SLC2A13: variants seen among roughly 807,000 people sequenced by gnomAD.
SLC2A13 encodes the protein solute carrier family 2 member 13.
SLC2A13 carries 32 observed loss-of-function variants against 64.4 expected under a neutral mutation model. The observed-to-expected ratio is 0.50, with a 90% confidence interval of 0.37 to 0.67. SLC2A13 has a LOEUF of 0.67. SLC2A13 is among the 30% of genes least tolerant of loss of function. The pLI is 0.00. For missense variants in SLC2A13, 743 were observed against 829.2 expected (o/e 0.90, Z 1.28); for synonymous variants, 338 against 327.1 (o/e 1.03, Z -0.36).
intron 6 of SLC2A13, among the ~76,000 whole-genome samples, chr12:39,848,953 T>G (rs1566861063): frequency 6.6e-6 from 1 of 152,098 alleles, no homozygotes; most frequent in Non-Finnish European, 1.5e-5. Context: ...GTCTCACTTA[T>G]AAGTGGGAGC....
chr12:39,962,447 C>T (rs1591954132), intron 3 of SLC2A13, among the ~76,000 whole-genome samples: 1 of 152,298 alleles, frequency 6.6e-6, no homozygotes, highest in African/African-American at 2.4e-5. Flanking sequence ...TTCCAGATCC[C>T]ATATAGAGAC....
chr12:39,788,164 C>T (rs921953564), intron 7 of SLC2A13, among the ~76,000 whole-genome samples: 1 of 152,152 alleles, frequency 6.6e-6, no homozygotes, highest in South Asian at 2.1e-4. Context: ...GATCCTCATA[C>T]CTAGTACCAA....
chr12:39,936,033 G>A (rs1347014818), intron 4 of SLC2A13, among the ~76,000 whole-genome samples: 1 of 152,202 alleles, frequency 6.6e-6, no homozygotes, highest in Non-Finnish European at 1.5e-5. Context: ...AAGCCACAAA[G>A]GGCCCTGGAC....
intron 7 of SLC2A13, among the ~76,000 whole-genome samples, chr12:39,789,675 A>G (rs1276993615): frequency 6.6e-6 from 1 of 152,168 alleles, no homozygotes; most frequent in Admixed American, 6.6e-5. Flanking sequence ...TAGCAGTAGA[A>G]GACAGAGAAC....
Position 40,028,526 on chromosome 12 carries a change from T to A in SLC2A13, c.717-17A>T. On this transcript the variant is annotated splice_polypyrimidine_tract_variant and intron_variant, in intron 2 of 9. Coordinates refer to ENST00000280871, the MANE Select transcript of SLC2A13 (RefSeq NM_052885.4). The stretch of plus-strand genomic sequence containing the variant: ...AACATGTACCTGCAAAGAAAAAAAA[T>A]CCACATTTACTGTAAAATTTGCTCT... 1.2e-6 allele frequency: 2 copies of A among 1,610,960 alleles called. No homozygotes were observed. Among genetic ancestry groups the A allele is most frequent in the South Asian group, 1.1e-5 (1 of 90,628 alleles).
chr12:40,008,042 TA>T (rs1947455633), intron 3 of SLC2A13, among the ~76,000 whole-genome samples: 1 of 152,178 alleles, frequency 6.6e-6, no homozygotes, highest in African/African-American at 2.4e-5. Context: ...TCAACTAGTT[TA>T]AACCAACATA....
intron 3 of SLC2A13, among the ~76,000 whole-genome samples, chr12:40,017,164 G>C (rs576329445): frequency 5.9e-5 from 9 of 152,096 alleles, no homozygotes; most frequent in Non-Finnish European, 1.0e-4. Flanking sequence ...CTCCTCTCAC[G>C]TAAACAGAAA....
intron 5 of SLC2A13, 122 bp from the exon 6 acceptor site, chr12:39,865,004 C>T (rs890030138): frequency 3.1e-5 from 27 of 858,788 alleles, no homozygotes; most frequent in Middle Eastern, 3.6e-4. Context: ...AAAAAAATAC[C>T]GTGCTCTATC....
intron 6 of SLC2A13, among the ~76,000 whole-genome samples, chr12:39,859,718 G>C (rs1036932559): frequency 1.3e-5 from 2 of 151,972 alleles, no homozygotes; most frequent in African/African-American, 2.4e-5. Flanking sequence ...GTAGAGCTGG[G>C]GTTTCACCAT....
At chr12:40,080,349 A>G (rs1034469534) in intron 1 of SLC2A13, among the ~76,000 whole-genome samples, 1 of 152,038 alleles carries the variant, frequency 6.6e-6, no homozygotes, top group African/African-American at 2.4e-5. Context: ...GCAACTCGTC[A>G]CACTCTGCCT....
chr12:39,961,911 C>T (rs1946421192), intron 3 of SLC2A13, among the ~76,000 whole-genome samples: 1 of 152,128 alleles, frequency 6.6e-6, no homozygotes, highest in African/African-American at 2.4e-5. Context: ...GCAATCCTCC[C>T]ACCTCAACCT....
At chr12:39,783,961 A>T (rs1396621633) in intron 7 of SLC2A13, among the ~76,000 whole-genome samples, 2 of 152,178 alleles carry the variant, frequency 1.3e-5, no homozygotes, top group Non-Finnish European at 2.9e-5. Flanking sequence ...ATCATGAGTG[A>T]ACTCCCATTC....
At chr12:40,082,202 CAT>C (rs1201829248) in intron 1 of SLC2A13, among the ~76,000 whole-genome samples, 9 of 152,218 alleles carry the variant, frequency 5.9e-5, no homozygotes, top group East Asian at 1.9e-4. Flanking sequence ...GGCATGTACA[CAT>C]AGTGTTCACT....
At chr12:39,760,329 A>G in intron 9 of SLC2A13, 77 bp from the exon 10 acceptor site, 2 of 1,396,972 alleles carry the variant, frequency 1.4e-6, no homozygotes, top group Non-Finnish European at 1.9e-6. Flanking sequence ...CTTGATTTTG[A>G]CTTTTTTTTT....
At chr12:39,819,811 A>C (rs1207832872) in intron 7 of SLC2A13, 1 of 153,376 alleles carries the variant, frequency 6.5e-6, no homozygotes, top group African/African-American at 2.4e-5. Flanking sequence ...GCAGAGAAAA[A>C]TAACAGACAT....
In SLC2A13 at chr12:39,871,773, T is replaced by C. The variant is rs1421949763; in HGVS notation, c.1198+25A>G. The C allele has an allele frequency of 4.4e-6, 7 of 1,578,556 alleles. No individual in the cohort carries two copies. The Admixed American group carries it at 9.3e-5, about 21-fold the overall frequency. On this transcript the variant is annotated intron_variant, in intron 5 of 9. Coordinates refer to ENST00000280871, the MANE Select transcript of SLC2A13 (RefSeq NM_052885.4). ...AGTTATTAGGAAATAAAGTTTATAA[T>C]TGAATTCTTTATCCAGCCACCTACC...
intron 4 of SLC2A13, among the ~76,000 whole-genome samples, chr12:39,895,689 T>C (rs1158659735): frequency 6.8e-6 from 1 of 147,286 alleles, no homozygotes; most frequent in African/African-American, 2.5e-5. Flanking sequence ...TACACACATA[T>C]GTATATGCGT....
In SLC2A13 at chr12:39,764,812, A is replaced by G. The variant is rs780013367; in HGVS notation, c.1492T>C (p.Tyr498His). The G allele has an allele frequency of 1.1e-5, 17 of 1,612,480 alleles. No homozygotes were observed. The African/African-American group carries it at 2.0e-4, about 19-fold the overall frequency. ...GAGTATGGAGTAGGGCAGAAATTGT[A>G]AGCCCAAAATATATCTTCTGTTTTG... Reference protein sequence around the residue: ...KFKTEDIFWAYNFCPTPYSWT... With the variant: ...KFKTEDIFWAHNFCPTPYSWT... The change falls in exon 8 of 10, where the codon TAC becomes CAC. Residue 498 changes from tyrosine (Y) to histidine (H), a missense_variant. Physicochemically the swap from Tyr to His is moderately conservative, Grantham distance 83 (BLOSUM62 2). Transcript: ENST00000280871.
At chr12:40,011,659 C>G (rs957160625) in intron 3 of SLC2A13, among the ~76,000 whole-genome samples, 9 of 152,144 alleles carry the variant, frequency 5.9e-5, no homozygotes, top group Admixed American at 4.6e-4. Context: ...CTCCCCGTCT[C>G]CTCCCTCTAG....
Sources: gnomAD v4.1 joint callset for allele counts (sites outside exome capture counted in the v4.1 genomes callset) on GRCh38, gnomAD v4.1.1 for gene constraint, MANE v1.5 for transcripts, NCBI Gene and HGNC (gene_info 2026-07-23, HGNC 2026-07-21) for gene names.